The following XIRP2 variants were observed in gnomAD, a reference collection of about 807,000 sequenced individuals.
The protein encoded by XIRP2 is xin actin binding repeat containing 2, also known as xin actin-binding repeat-containing protein 2.
In XIRP2, 236 loss-of-function variants were observed where a neutral mutation model predicts 277.0. The observed-to-expected ratio is 0.85, with a 90% CI of 0.77 to 0.95. XIRP2 has a LOEUF of 0.95. Ranked by LOEUF, XIRP2 falls within the 40% of genes least tolerant of loss-of-function variation. The pLI, the probability that XIRP2 is intolerant of heterozygous loss-of-function variation, is 0.00. For synonymous variants in XIRP2, 1,490 were observed against 1,416.5 expected, an observed-to-expected ratio of 1.05 and a Z score of -1.17; for missense variants, 4,640 against 4,157.5, an observed-to-expected ratio of 1.12 and a Z score of -3.19.
chr2:167,127,112 A>C (rs77952570), intron 2 of XIRP2, among the ~76,000 whole-genome samples: 4,043 of 151,846 alleles, frequency 0.027, 114 homozygotes, highest in East Asian at 0.14. Context: ...GGCATATTGG[A>C]GATATTTTTA....
At chr2:167,171,621 A>T (rs910332280) in intron 3 of XIRP2, among the ~76,000 whole-genome samples, 4 of 152,214 alleles carry the variant, frequency 2.6e-5, no homozygotes, top group African/African-American at 9.6e-5. Flanking sequence ...CACCGATATT[A>T]GTCTGCTTAT....
Position 167,078,170 on chromosome 2 carries a change from G to A in XIRP2, c.409-57739G>A, listed in dbSNP as rs140983792. Among the ~76,000 whole-genome samples, 377 of 152,194 alleles carry A rather than the reference G, an allele frequency of 2.5e-3. 2 individuals are homozygous for A. The highest frequency in any genetic ancestry group is 8.6e-3 in the African/African-American group (358 of 41,528). On this transcript the variant is annotated intron_variant, in intron 2 of 10. Coordinates refer to ENST00000409195, the MANE Select transcript of XIRP2 (RefSeq NM_152381.6). ...TAATTTCTTTCAGCAATATTTTATA[G>A]TTCTTCTAGAGATCTTTCACCTCCT...
rs185802342 is a variant in XIRP2, at chr2:166,986,453, T to G, written c.408+82563T>G. Among the ~76,000 whole-genome samples, 477 of 152,348 alleles carry G rather than the reference T, an allele frequency of 3.1e-3. 4 individuals carry two copies. The highest frequency in any genetic ancestry group is 0.011 in the African/African-American group (452 of 41,592). ...ACTTGCAATGTGGAATATTTACACGTTGCGTGACATTCATTGTGTTGCTAG... is the reference window on the plus strand; with the variant it reads ...ACTTGCAATGTGGAATATTTACACGGTGCGTGACATTCATTGTGTTGCTAG... On this transcript the variant is annotated intron_variant, in intron 2 of 10. Coordinates refer to ENST00000409195, the MANE Select transcript of XIRP2 (RefSeq NM_152381.6).
intron 3 of XIRP2, among the ~76,000 whole-genome samples, chr2:167,199,595 C>A (rs1355005969): frequency 2.0e-5 from 3 of 152,180 alleles, no homozygotes; most frequent in Non-Finnish European, 4.4e-5. Flanking sequence ...AAATCACTTT[C>A]TGTGTATTCT....
intron 2 of XIRP2, among the ~76,000 whole-genome samples, chr2:166,941,982 T>A (rs1685733512): frequency 6.6e-6 from 1 of 152,226 alleles, no homozygotes; most frequent in South Asian, 2.1e-4. Context: ...ATCTTCTCTG[T>A]GAAAATTCTA....
chr2:166,905,787 A>G (rs1684501227), intron 2 of XIRP2, among the ~76,000 whole-genome samples: 1 of 151,958 alleles, frequency 6.6e-6, no homozygotes. Flanking sequence ...AAGAACAAAG[A>G]GAGCTCAATG....
chr2:166,931,041 G>A (rs1191529176), intron 2 of XIRP2, among the ~76,000 whole-genome samples: 2 of 152,108 alleles, frequency 1.3e-5, no homozygotes, highest in East Asian at 3.9e-4. Flanking sequence ...GGGAGAAAAA[G>A]GCAAATTGCA....
At chr2:166,970,157 G>T (rs778478381) in intron 2 of XIRP2, among the ~76,000 whole-genome samples, 20 of 151,960 alleles carry the variant, frequency 1.3e-4, no homozygotes, top group Admixed American at 2.6e-4. Context: ...AAAATGTTTT[G>T]CTTGCTCTAT....
intron 3 of XIRP2, among the ~76,000 whole-genome samples, chr2:167,206,294 A>G (rs904484355): frequency 6.6e-6 from 1 of 152,008 alleles, no homozygotes; most frequent in African/African-American, 2.4e-5. Flanking sequence ...TATTTCTTCT[A>G]TCTACTTCCC....
At chr2:167,176,724 A>G (rs936107809) in intron 3 of XIRP2, among the ~76,000 whole-genome samples, 5 of 152,182 alleles carry the variant, frequency 3.3e-5, no homozygotes, top group Non-Finnish European at 5.9e-5. Flanking sequence ...CAGATTAGCT[A>G]TGTATCAGTT....
intron 3 of XIRP2, among the ~76,000 whole-genome samples, chr2:167,137,775 A>G (rs1225507038): frequency 6.6e-6 from 1 of 152,208 alleles, no homozygotes; most frequent in East Asian, 1.9e-4. Flanking sequence ...TTGCATCTGC[A>G]AGGTGGATGA....
intron 2 of XIRP2, among the ~76,000 whole-genome samples, chr2:166,929,746 A>G (rs1466579505): frequency 6.6e-6 from 1 of 152,144 alleles, no homozygotes; most frequent in Non-Finnish European, 1.5e-5. Context: ...TGGAAAAGAT[A>G]TGAAGAATTG....
chr2:167,136,090 T>G, intron 3 of XIRP2, 28 bp downstream of exon 3: 1 of 1,572,152 alleles, frequency 6.4e-7, no homozygotes, highest in Non-Finnish European at 8.6e-7. Context: ...ATATGCTTTC[T>G]TGACATCATA....
intron 2 of XIRP2, among the ~76,000 whole-genome samples, chr2:166,939,263 A>G (rs1466144551): frequency 6.6e-6 from 1 of 152,088 alleles, no homozygotes; most frequent in African/African-American, 2.4e-5. Flanking sequence ...TGCTTCCTTC[A>G]GGAGCTCTTT....
chr2:167,098,845 C>T (rs1690404321), intron 2 of XIRP2, among the ~76,000 whole-genome samples: 1 of 152,142 alleles, frequency 6.6e-6, no homozygotes, highest in Non-Finnish European at 1.5e-5. Context: ...CCACTCCAGA[C>T]CCTGTTTGGC....
At position 167,085,536 on chromosome 2, in the gene XIRP2, A is replaced by C. The variant is rs572090181; in HGVS notation, c.409-50373A>C. On this transcript the variant is annotated intron_variant, in intron 2 of 10. Coordinates refer to ENST00000409195, the MANE Select transcript of XIRP2 (RefSeq NM_152381.6). ...TCTCGTTGATCTGTCTAATGTTGAC[A>C]GTGGGGTGTTAAAGTCTCCCATTAT... is the stretch of plus-strand genomic sequence containing the variant. 1.6e-3 allele frequency among the ~76,000 whole-genome samples: 248 copies of C among 152,178 alleles called. 3 individuals carry two copies. Among genetic ancestry groups the C allele is most frequent in the African/African-American group, 5.7e-3 (238 of 41,518 alleles).
At chr2:167,104,442 C>T (rs952768303) in intron 2 of XIRP2, among the ~76,000 whole-genome samples, 2 of 152,008 alleles carry the variant, frequency 1.3e-5, no homozygotes, top group African/African-American at 4.8e-5. Flanking sequence ...TCACATACAC[C>T]ACATATTTTA....
rs573026885 is a variant in XIRP2 at position 167,025,370 on chromosome 2, G to A, written c.409-110539G>A. On this transcript the variant is annotated intron_variant, in intron 2 of 10. Coordinates refer to ENST00000409195, the MANE Select transcript of XIRP2 (RefSeq NM_152381.6). ...TTTCTTCTTTATTAGTCTTGCTAGC[G>A]GTCTGTCAATTTTGTTGATCTTTTC... Among the ~76,000 whole-genome samples, 24 of 151,992 alleles carry A rather than the reference G, an allele frequency of 1.6e-4. 1 individual carries two copies. Among genetic ancestry groups the A allele is most frequent in the South Asian group, 4.2e-4 (2 of 4,808 alleles).
At chr2:166,945,524 G>A (rs1277798251) in intron 2 of XIRP2, among the ~76,000 whole-genome samples, 1 of 151,898 alleles carries the variant, frequency 6.6e-6, no homozygotes, top group African/African-American at 2.4e-5. Flanking sequence ...GTAACGTATC[G>A]GAAAGACAGC....
Sources: allele counts gnomAD v4.1 joint callset (sites outside exome capture counted in the v4.1 genomes callset), GRCh38; gene constraint gnomAD v4.1.1; transcripts MANE v1.5; gene names NCBI Gene and HGNC (gene_info 2026-07-23, HGNC 2026-07-21).